Variants in RBMS3 observed in about 807,000 individuals in gnomAD.
The protein encoded by RBMS3 is RNA-binding motif, single-stranded-interacting protein 3.
RBMS3 carries 27 observed loss-of-function variants against 66.8 expected under a neutral mutation model. That is an observed-to-expected ratio of 0.40 (90% confidence interval 0.30 to 0.56). The LOEUF (loss-of-function observed/expected upper bound fraction) is 0.56. Among genes scored for constraint, RBMS3 ranks in the 20% least tolerant of loss-of-function variants. RBMS3 has a pLI of 0.40. For synonymous variants in RBMS3, 188 were observed against 183.0 expected (o/e 1.03, Z -0.22); for missense variants, 513 against 549.5 (o/e 0.93, Z 0.66).
At chr3:29,519,025 A>T (rs2044749780) in intron 3 of RBMS3, among the ~76,000 whole-genome samples, 1 of 152,146 alleles carries the variant, frequency 6.6e-6, no homozygotes, top group Non-Finnish European at 1.5e-5. Flanking sequence ...CTGCGCTTTG[A>T]GTGTATTTTC....
chr3:29,421,340 G>A (rs144441589), intron 1 of RBMS3, among the ~76,000 whole-genome samples: 286 of 151,994 alleles, frequency 1.9e-3, no homozygotes, highest in African/African-American at 6.0e-3. Flanking sequence ...AGAAATTCGG[G>A]AGATAATTAA....
At chr3:29,523,063 A>G (rs746100196) in intron 3 of RBMS3, among the ~76,000 whole-genome samples, 19 of 152,224 alleles carry the variant, frequency 1.2e-4, no homozygotes, top group Non-Finnish European at 2.8e-4. Context: ...AACAAAAACT[A>G]TTATCTCAAT....
chr3:29,604,567 G>A (rs1173553231), intron 4 of RBMS3, among the ~76,000 whole-genome samples: 2 of 151,896 alleles, frequency 1.3e-5, no homozygotes, highest in Non-Finnish European at 2.9e-5. Flanking sequence ...CAGAGGCTAG[G>A]CAACTAAATG....
At chr3:29,964,750 G>A (rs1197120330) in intron 12 of RBMS3, among the ~76,000 whole-genome samples, 11 of 152,118 alleles carry the variant, frequency 7.2e-5, no homozygotes, top group Non-Finnish European at 2.9e-5. Context: ...AGTTATTGGA[G>A]TACAGGTGGT....
intron 6 of RBMS3, among the ~76,000 whole-genome samples, chr3:29,808,583 CA>C (rs1167832089): frequency 6.6e-6 from 1 of 151,930 alleles, no homozygotes. Flanking sequence ...ATCTTCTGAT[CA>C]GATATTTAGT....
At chr3:29,460,963 C>T (rs1185986753) in intron 2 of RBMS3, among the ~76,000 whole-genome samples, 1 of 152,190 alleles carries the variant, frequency 6.6e-6, no homozygotes, top group African/African-American at 2.4e-5. Flanking sequence ...ACAATGTATA[C>T]TGAATGGTTT....
chr3:29,682,857 A>T (rs1172233973), intron 4 of RBMS3, among the ~76,000 whole-genome samples: 1 of 152,232 alleles, frequency 6.6e-6, no homozygotes, highest in Non-Finnish European at 1.5e-5. Flanking sequence ...AAACTAGCAT[A>T]TTCTATCATT....
At chr3:29,795,941 C>G (rs890346156) in intron 6 of RBMS3, among the ~76,000 whole-genome samples, 4 of 152,084 alleles carry the variant, frequency 2.6e-5, no homozygotes, top group Non-Finnish European at 2.9e-5. Context: ...CTGGTTGATT[C>G]CAGAGGGGTA....
At chr3:29,393,342 T>G (rs1017377183) in intron 1 of RBMS3, among the ~76,000 whole-genome samples, 1 of 152,194 alleles carries the variant, frequency 6.6e-6, no homozygotes, top group Non-Finnish European at 1.5e-5. Flanking sequence ...GAATGAGGCT[T>G]TTGAAATTTT....
At chr3:29,292,894 A>G (rs2032938150) in intron 1 of RBMS3, among the ~76,000 whole-genome samples, 1 of 151,908 alleles carries the variant, frequency 6.6e-6, no homozygotes. Flanking sequence ...ATTTACAAAC[A>G]GAAGAAACAT....
intron 4 of RBMS3, among the ~76,000 whole-genome samples, chr3:29,658,576 T>C (rs2050408637): frequency 6.6e-6 from 1 of 152,220 alleles, no homozygotes; most frequent in African/African-American, 2.4e-5. Flanking sequence ...AAAAAATTAC[T>C]CTTCGTGATG....
At chr3:29,795,920 C>G (rs73045954) in intron 6 of RBMS3, among the ~76,000 whole-genome samples, 1,727 of 152,270 alleles carry the variant, frequency 0.011, 17 homozygotes, top group Middle Eastern at 0.02. Context: ...GAATAAAACA[C>G]AGTTCCTATG....
intron 4 of RBMS3, among the ~76,000 whole-genome samples, chr3:29,700,627 T>C (rs2052523534): frequency 6.6e-6 from 1 of 151,790 alleles, no homozygotes; most frequent in African/African-American, 2.4e-5. Flanking sequence ...TATAGTAAGA[T>C]ATGAATAGGT....
At chr3:29,579,344 T>C (rs1048084917) in intron 3 of RBMS3, among the ~76,000 whole-genome samples, 1 of 152,154 alleles carries the variant, frequency 6.6e-6, no homozygotes, top group Non-Finnish European at 1.5e-5. Context: ...TGGATTAAAG[T>C]ACCTGGGAAG....
intron 6 of RBMS3, among the ~76,000 whole-genome samples, chr3:29,801,232 A>C (rs1257265810): frequency 1.3e-5 from 2 of 150,632 alleles, no homozygotes; most frequent in Non-Finnish European, 3.0e-5. Context: ...TGGTTTAACT[A>C]TGTTACTAGT....
chr3:29,979,829 C>T (rs1211135048), intron 12 of RBMS3, among the ~76,000 whole-genome samples: 1 of 152,198 alleles, frequency 6.6e-6, no homozygotes, highest in South Asian at 2.1e-4. Context: ...TTTATCCAGT[C>T]TATCATTGAA....
At position 29,281,429 on chromosome 3, in the gene RBMS3, G is replaced by C. The variant is rs2031763669; in HGVS notation, c.-253G>C. The C allele has an allele frequency of 1.9e-6, 1 of 517,986 alleles. No homozygotes were observed. Among genetic ancestry groups the C allele is most frequent in the Non-Finnish European group, 3.4e-6 (1 of 296,532 alleles). 32.1% of individuals were successfully genotyped at this position (517,986 alleles called of 1,614,324 possible). ...GCTGGGGGAAGCCAGGCAAGATCTG[G>C]GAAGGCTGTGTGTGGGTGTTTTTTC... On this transcript the variant is annotated 5_prime_UTR_variant, in exon 1 of 15. Transcript: ENST00000383767.
intron 10 of RBMS3, among the ~76,000 whole-genome samples, chr3:29,920,853 C>CAAA (rs10576471): frequency 5.1e-4 from 50 of 98,012 alleles, no homozygotes; most frequent in African/African-American, 1.7e-3. Flanking sequence ...CACGTGGTCT[C>CAAA]AAAAAAAAAA....
intron 12 of RBMS3, among the ~76,000 whole-genome samples, chr3:29,977,157 A>G (rs1697646123): frequency 6.6e-6 from 1 of 152,078 alleles, no homozygotes; most frequent in African/African-American, 2.4e-5. Context: ...AACCAGCTTC[A>G]TCAGTTTTAT....
Sources: allele counts gnomAD v4.1 joint callset (sites outside exome capture counted in the v4.1 genomes callset), GRCh38; gene constraint gnomAD v4.1.1; transcripts MANE v1.5; gene names NCBI Gene and HGNC (gene_info 2026-07-23, HGNC 2026-07-21).